Variants in DLG2 observed in about 807,000 individuals in gnomAD.
DLG2 encodes the protein disks large homolog 2.
In DLG2, 45 loss-of-function variants were observed where a neutral mutation model predicts 132.5. The observed-to-expected ratio is 0.34, with a 90% CI of 0.27 to 0.44. The LOEUF (loss-of-function observed/expected upper bound fraction) is 0.44, where lower values mean the gene tolerates loss of function less well. Ranked by LOEUF, DLG2 falls within the 20% of genes least tolerant of loss-of-function variation. The probability of loss-of-function intolerance (pLI) is 1.00; values close to 1 mark genes in which losing one functional copy is unlikely to be tolerated. For synonymous variants in DLG2, 424 were observed against 419.6 expected (o/e 1.01, Z -0.13); for missense variants, 1,045 against 1,196.9 (o/e 0.87, Z 1.87).
chr11:84,345,917 A>G (rs2098537409), intron 7 of DLG2, among the ~76,000 whole-genome samples: 1 of 152,204 alleles, frequency 6.6e-6, no homozygotes, highest in Non-Finnish European at 1.5e-5. Context: ...AATATTTACA[A>G]TTTGACCCTT....
chr11:85,027,272 C>G (rs999403438), intron 6 of DLG2, among the ~76,000 whole-genome samples: 1 of 134,846 alleles, frequency 7.4e-6, no homozygotes, highest in Non-Finnish European at 1.5e-5. Flanking sequence ...ACACATACAT[C>G]AGAAAGAATT....
chr11:83,877,419 A>C (rs922777870), intron 15 of DLG2, among the ~76,000 whole-genome samples: 1 of 152,166 alleles, frequency 6.6e-6, no homozygotes, highest in Non-Finnish European at 1.5e-5. Context: ...CAAGATTAAT[A>C]AGTAACTGTA....
intron 7 of DLG2, among the ~76,000 whole-genome samples, chr11:84,503,840 TA>T (rs2099230011): frequency 6.6e-6 from 1 of 152,238 alleles, no homozygotes; most frequent in South Asian, 2.1e-4. Context: ...CTTAACTTCA[TA>T]ACAGATTTGA....
intron 6 of DLG2, among the ~76,000 whole-genome samples, chr11:84,770,734 C>T (rs1411066689): frequency 6.6e-6 from 1 of 151,402 alleles, no homozygotes; most frequent in African/African-American, 2.4e-5. Flanking sequence ...CAAGCTCTGC[C>T]TCACGGGTTC....
Position 84,671,929 on chromosome 11 carries a change from T to C in DLG2, c.358-137198A>G, listed in dbSNP as rs186323767. On this transcript the variant is annotated intron_variant, in intron 6 of 27. Transcript: ENST00000376104. ...CTTGTATTTGCATTTCTGTGTTCCC[T>C]GGATGGAAGGCAAGCTTCAGAGGCA... is the stretch of plus-strand genomic sequence containing the variant. 5.5e-3 allele frequency among the ~76,000 whole-genome samples: 836 copies of C among 152,284 alleles called. 2 individuals carry two copies. Among genetic ancestry groups the C allele is most frequent in the Non-Finnish European group, 7.5e-3 (513 of 68,006 alleles).
At chr11:83,998,227 T>G (rs1170857586) in intron 11 of DLG2, among the ~76,000 whole-genome samples, 1 of 152,162 alleles carries the variant, frequency 6.6e-6, no homozygotes, top group African/African-American at 2.4e-5. Flanking sequence ...TTTAGAAGTG[T>G]CATGTTTATA....
chr11:85,203,997 A>G (rs2081661939), intron 4 of DLG2, among the ~76,000 whole-genome samples: 2 of 152,168 alleles, frequency 1.3e-5, no homozygotes, highest in African/African-American at 2.4e-5. Context: ...TCTTTATGAT[A>G]AGAACTTTTA....
At chr11:84,767,543 G>T (rs1597637227) in intron 6 of DLG2, among the ~76,000 whole-genome samples, 1 of 152,132 alleles carries the variant, frequency 6.6e-6, no homozygotes, top group South Asian at 2.1e-4. Flanking sequence ...AAGGTCCTGA[G>T]CAGAGATAAT....
chr11:85,044,609 A>C (rs2062161368), intron 6 of DLG2, among the ~76,000 whole-genome samples: 1 of 152,028 alleles, frequency 6.6e-6, no homozygotes, highest in African/African-American at 2.4e-5. Flanking sequence ...GTTACTTTGG[A>C]TACAATCATG....
At chr11:83,958,551 CA>C (rs753391954) in intron 14 of DLG2, among the ~76,000 whole-genome samples, 1 of 152,114 alleles carries the variant, frequency 6.6e-6, no homozygotes, top group Non-Finnish European at 1.5e-5. Context: ...TTATCACATT[CA>C]TAACTTGGGA....
chr11:84,484,028 C>A (rs900066151), intron 7 of DLG2, among the ~76,000 whole-genome samples: 1 of 152,078 alleles, frequency 6.6e-6, no homozygotes, highest in Non-Finnish European at 1.5e-5. Flanking sequence ...GCTAGAGGGA[C>A]AGCAGGAGTC....
At chr11:84,170,696 C>A (rs912481185) in intron 8 of DLG2, among the ~76,000 whole-genome samples, 2 of 152,186 alleles carry the variant, frequency 1.3e-5, no homozygotes, top group African/African-American at 4.8e-5. Flanking sequence ...GGAGACAGCA[C>A]TGACCTTAAG....
At chr11:85,227,340 A>T (rs1158621586) in intron 4 of DLG2, among the ~76,000 whole-genome samples, 1 of 152,140 alleles carries the variant, frequency 6.6e-6, no homozygotes, top group African/African-American at 2.4e-5. Flanking sequence ...AAGTCTTGTA[A>T]GTATTCCTGT....
At chr11:85,320,942 C>T (rs868663931) in intron 3 of DLG2, among the ~76,000 whole-genome samples, 9 of 150,852 alleles carry the variant, frequency 6.0e-5, no homozygotes, top group African/African-American at 9.7e-5. Flanking sequence ...TGGAAGTTTT[C>T]GAATAGAGAA....
chr11:84,566,136 T>C (rs2099454321), intron 6 of DLG2, among the ~76,000 whole-genome samples: 1 of 151,980 alleles, frequency 6.6e-6, no homozygotes, highest in South Asian at 2.1e-4. Context: ...TTTTTTTTTG[T>C]ATTTTTACTA....
intron 3 of DLG2, among the ~76,000 whole-genome samples, chr11:85,537,020 G>C (rs2075633795): frequency 6.6e-6 from 1 of 152,190 alleles, no homozygotes; most frequent in Admixed American, 6.5e-5. Flanking sequence ...AGCATTCTGT[G>C]TCTAGCTAAA....
At chr11:85,398,592 G>A (rs1287060932) in intron 3 of DLG2, among the ~76,000 whole-genome samples, 1 of 151,934 alleles carries the variant, frequency 6.6e-6, no homozygotes, top group African/African-American at 2.4e-5. Context: ...AATGATAAAG[G>A]GGATATCACC....
intron 7 of DLG2, chr11:84,437,635 G>A (rs2099004875): frequency 6.6e-6 from 1 of 152,336 alleles, no homozygotes; most frequent in Non-Finnish European, 1.5e-5. Context: ...GAGGGGTTGG[G>A]GGAGAAAAGG....
At chr11:85,012,848 C>T (rs765450357) in intron 6 of DLG2, among the ~76,000 whole-genome samples, 55 of 152,104 alleles carry the variant, frequency 3.6e-4, no homozygotes, top group Non-Finnish European at 7.4e-4. Flanking sequence ...ATTTGAATTC[C>T]AGCACTGACA....
Sources: gnomAD v4.1 joint callset for allele counts (sites outside exome capture counted in the v4.1 genomes callset) on GRCh38, gnomAD v4.1.1 for gene constraint, MANE v1.5 for transcripts, NCBI Gene and HGNC (gene_info 2026-07-23, HGNC 2026-07-21) for gene names.